ITGAL: variants seen among roughly 807,000 people sequenced by gnomAD.
ITGAL encodes the protein integrin subunit alpha L, also known as integrin alpha-L.
ITGAL carries 68 observed loss-of-function variants against 138.4 expected under a neutral mutation model. That is an observed-to-expected ratio of 0.49 (90% CI 0.40 to 0.60). ITGAL has a LOEUF of 0.60. Among genes scored for constraint, ITGAL ranks in the 20% least tolerant of loss-of-function variants. ITGAL has a pLI of 0.00. For synonymous variants in ITGAL, 561 were observed against 584.3 expected, an observed-to-expected ratio of 0.96 and a Z score of 0.57; for missense variants, 1,256 against 1,478.6, an observed-to-expected ratio of 0.85 and a Z score of 2.47.
intron 30 of ITGAL, among the ~76,000 whole-genome samples, chr16:30,520,731 G>A (rs112370919): frequency 8.5e-5 from 13 of 152,196 alleles, no homozygotes; most frequent in Admixed American, 6.5e-4. Flanking sequence ...AGGCTGTGAG[G>A]GCCTGGCAGG....
intron 6 of ITGAL, chr16:30,480,805 C>G (rs1250582538): frequency 6.5e-6 from 1 of 153,964 alleles, no homozygotes; most frequent in Non-Finnish European, 1.4e-5. Flanking sequence ...TCGAGACCAG[C>G]CTAGGCAACA....
chr16:30,497,623 T>C (rs950208131), intron 15 of ITGAL, among the ~76,000 whole-genome samples: 2 of 151,570 alleles, frequency 1.3e-5, no homozygotes, highest in Non-Finnish European at 2.9e-5. Context: ...ATCACAGGCA[T>C]GCACCACCAT....
rs540066453 is a variant in ITGAL at position 30,497,175 on chromosome 16, T to G, written c.1832+609T>G. Among the ~76,000 whole-genome samples the G allele has an allele frequency of 2.7e-3, 408 of 151,974 alleles. 4 individuals carry two copies. The highest frequency in any genetic ancestry group is 8.8e-3 in the African/African-American group (364 of 41,476). ...CTGGCTAACACGGTGAAACCCTGTC[T>G]CTACTAAAAATACAAAAATTAGCCA... On this transcript the variant is annotated intron_variant, in intron 15 of 30. Coordinates refer to ENST00000356798, the MANE Select transcript of ITGAL (RefSeq NM_002209.3).
Position 30,517,646 on chromosome 16 carries a change from T to G in ITGAL, c.2977-3T>G, listed in dbSNP as rs909417848. On this transcript the variant is annotated splice_region_variant and splice_polypyrimidine_tract_variant and intron_variant, in intron 26 of 30. Coordinates refer to ENST00000356798, the MANE Select transcript of ITGAL (RefSeq NM_002209.3). ...TAACTGAAGACCTGCCGCTTGTTCC[T>G]AGGAGCCTCCCGTGCCCTGCCACTA... 13 of 1,613,628 alleles carry G rather than the reference T, an allele frequency of 8.1e-6. No homozygotes were observed. Among genetic ancestry groups the G allele is most frequent in the African/African-American group, 1.3e-5 (1 of 74,920 alleles).
intron 25 of ITGAL, 102 bp from the exon 26 acceptor site, chr16:30,516,871 A>G (rs1213054820): frequency 2.4e-6 from 2 of 828,264 alleles, no homozygotes; most frequent in Non-Finnish European, 4.2e-6. Flanking sequence ...CTGGGGACTC[A>G]GCCAATGAGG....
chr16:30,518,644 C>G lies in ITGAL; in HGVS notation c.3153C>G (p.Leu1051=). 1 of 1,613,960 alleles carries G rather than the reference C, an allele frequency of 6.2e-7. No individual in the cohort carries two copies. Among genetic ancestry groups the G allele is most frequent in the Non-Finnish European group, 8.5e-7 (1 of 1,179,878 alleles). The part of the protein sequence containing the change: ...GEIEASSMFS[L]CSSLSISFNS... ...CACAGGCCTCTTCCATGTTCAGCCT[C>G]TGCAGCTCCCTCTCCATCTCCTTCA... The change falls in exon 29 of 31, where the codon CTC becomes CTG. Residue 1051 remains leucine, a synonymous_variant. Coordinates refer to ENST00000356798, the MANE Select transcript of ITGAL (RefSeq NM_002209.3).
In ITGAL at chr16:30,494,720, C is replaced by G. The variant is rs749975959; in HGVS notation, c.1373C>G (p.Ser458Cys). The change falls in exon 13 of 31, where the codon TCT becomes TGT. Residue 458 changes from serine (S) to cysteine (C), a missense_variant. Coordinates refer to ENST00000356798, the MANE Select transcript of ITGAL (RefSeq NM_002209.3). The surrounding 1 kb of genome is among the most constrained non-coding windows in gnomAD (Gnocchi z 4.2). ...ACCTGCCTCTCCCCACAGATTGGCT[C>G]TTATTTCGGTGGGGAGCTGTGTGGC... ...VQTIHGTQIG[S>C]YFGGELCGVD... The G allele has an allele frequency of 6.2e-7, 1 of 1,608,830 alleles. No individual in the cohort carries two copies. Among genetic ancestry groups the G allele is most frequent in the African/African-American group, 1.3e-5 (1 of 74,736 alleles).
At chr16:30,497,038 T>C (rs1276689749) in intron 15 of ITGAL, among the ~76,000 whole-genome samples, 5 of 152,050 alleles carry the variant, frequency 3.3e-5, no homozygotes, top group South Asian at 2.1e-4. Flanking sequence ...GGAAAACATA[T>C]AATTAAAAAT....
At chr16:30,479,241 C>T (rs776542888) in intron 5 of ITGAL, 33 bp downstream of exon 5, 2 of 1,612,604 alleles carry the variant, frequency 1.2e-6, no homozygotes, top group Admixed American at 3.3e-5. Flanking sequence ...GGTAAAAATA[C>T]CTCCAAATGG....
At chr16:30,493,040 C>A (rs2050746176) in intron 11 of ITGAL, among the ~76,000 whole-genome samples, 1 of 151,750 alleles carries the variant, frequency 6.6e-6, no homozygotes, top group African/African-American at 2.4e-5. Context: ...TGTGCATCAC[C>A]ACACCTGGCT....
Position 30,522,063 on chromosome 16 carries a change from C to T in ITGAL, c.*398C>T, listed in dbSNP as rs911530768. 6 of 179,160 alleles carry T rather than the reference C, an allele frequency of 3.3e-5. No individual in the cohort carries two copies. Among genetic ancestry groups the T allele is most frequent in the African/African-American group, 1.4e-4 (6 of 42,242 alleles). The allele number at this position is 179,160 out of a possible 1,614,324, so 11.1% of individuals were successfully genotyped here. ...CCCCAGAACCTGTCCTTGCACACTC[C>T]CCTGCACTGGAGTCCAGTCTCTTCT... On this transcript the variant is annotated 3_prime_UTR_variant, in exon 31 of 31. Coordinates refer to ENST00000356798, the MANE Select transcript of ITGAL (RefSeq NM_002209.3). The surrounding 1 kb of genome is among the most constrained non-coding windows in gnomAD (Gnocchi z 4.0).
At chr16:30,507,847 C>T (rs917520027) in intron 21 of ITGAL, among the ~76,000 whole-genome samples, 1 of 151,612 alleles carries the variant, frequency 6.6e-6, no homozygotes, top group Non-Finnish European at 1.5e-5. Flanking sequence ...CATATTTTAC[C>T]TATTTATCTG....
chr16:30,489,170 G>A lies in ITGAL; in HGVS notation c.1080+15G>A, dbSNP rs766891255. 2.5e-6 allele frequency: 4 copies of A among 1,613,974 alleles called. No individual in the cohort carries two copies. The South Asian group carries it at 4.4e-5, about 18-fold the overall frequency. On this transcript the variant is annotated intron_variant, in intron 10 of 30. Transcript: ENST00000356798. ...ACCTCAGCAGGGTGCGTGCTGGGCTGGAGCAATGGGCTGCAGGGAGTGCAG... is the reference window on the plus strand; with the variant it reads ...ACCTCAGCAGGGTGCGTGCTGGGCTAGAGCAATGGGCTGCAGGGAGTGCAG...
chr16:30,483,923 C>A lies in ITGAL; in HGVS notation c.819C>A (p.Ile273=). Residue 273 remains isoleucine, a synonymous_variant, in exon 8 of 31, where the codon ATC becomes ATA. Coordinates refer to ENST00000356798, the MANE Select transcript of ITGAL (RefSeq NM_002209.3). The part of the protein sequence containing the change: ...TDGEATDSGN[I]DAAKDIIRYI... ...GGGAGGCCACTGACAGTGGCAACAT[C>A]GATGCGGCCAAAGACATCATCCGCT... The A allele has an allele frequency of 1.2e-6, 2 of 1,614,024 alleles. No individual in the cohort carries two copies. The highest frequency in any genetic ancestry group is 1.7e-6 in the Non-Finnish European group (2 of 1,179,936).
chr16:30,510,842 T>A, intron 22 of ITGAL, 39 bp from the exon 23 acceptor site: 1 of 1,550,474 alleles, frequency 6.4e-7, no homozygotes, highest in Admixed American at 1.7e-5. Flanking sequence ...CTGCTCCTCA[T>A]GACCCTTCCA....
intron 1 of ITGAL, 126 bp downstream of exon 1, chr16:30,473,024 C>A: frequency 1.3e-6 from 1 of 797,528 alleles, no homozygotes. Context: ...GGATATGGGG[C>A]CCAGGGATCT....
chr16:30,507,441 C>T (rs971985844), intron 21 of ITGAL, among the ~76,000 whole-genome samples: 15 of 137,428 alleles, frequency 1.1e-4, no homozygotes, highest in Non-Finnish European at 1.8e-4. Context: ...ACCTGGGCGA[C>T]AGCGAAACTC....
At chr16:30,487,142 C>CAAA (rs1165678423) in intron 9 of ITGAL, among the ~76,000 whole-genome samples, 19 of 42,814 alleles carry the variant, frequency 4.4e-4, no homozygotes, top group Admixed American at 8.8e-4. Flanking sequence ...GACTCCGTCT[C>CAAA]AAAAAAAAAA....
intron 7 of ITGAL, among the ~76,000 whole-genome samples, chr16:30,482,058 A>AT (rs531274730): frequency 5.3e-5 from 8 of 151,224 alleles, no homozygotes; most frequent in African/African-American, 1.2e-4. Context: ...CGCCTGGCTA[A>AT]TTTTTTTTGT....
Sources: allele counts gnomAD v4.1 joint callset (sites outside exome capture counted in the v4.1 genomes callset), GRCh38; gene constraint gnomAD v4.1.1; non-coding constraint Gnocchi (gnomAD v3.1); transcripts MANE v1.5; gene names NCBI Gene and HGNC (gene_info 2026-07-23, HGNC 2026-07-21).